Variants in ARNT2 observed in about 807,000 individuals in gnomAD.
The protein encoded by ARNT2 is aryl hydrocarbon receptor nuclear translocator 2, also known as ARNT protein 2.
ARNT2 carries 36 observed loss-of-function variants against 91.7 expected under a neutral mutation model. The observed-to-expected ratio is 0.39, with a 90% CI of 0.30 to 0.52. ARNT2 has a LOEUF of 0.52. Among genes scored for constraint, ARNT2 ranks in the 20% least tolerant of loss-of-function variants. The pLI, the probability that ARNT2 is intolerant of heterozygous loss-of-function variation, is 0.72. For synonymous variants in ARNT2, 365 were observed against 347.1 expected, an observed-to-expected ratio of 1.05 and a Z score of -0.57; for missense variants, 775 against 939.3, an observed-to-expected ratio of 0.83 and a Z score of 2.29.
intron 1 of ARNT2, among the ~76,000 whole-genome samples, chr15:80,419,057 C>T (rs1488552838): frequency 6.6e-6 from 1 of 152,130 alleles, no homozygotes; most frequent in African/African-American, 2.4e-5. Context: ...GGAAACAAAC[C>T]ATTTTCTAGA....
At chr15:80,437,405 G>C (rs1200648183) in intron 1 of ARNT2, among the ~76,000 whole-genome samples, 1 of 152,112 alleles carries the variant, frequency 6.6e-6, no homozygotes, top group African/African-American at 2.4e-5. Context: ...CATCTCCCCG[G>C]TTTTTACTCT....
chr15:80,445,859 G>A (rs917714264), intron 1 of ARNT2, among the ~76,000 whole-genome samples: 1 of 152,030 alleles, frequency 6.6e-6, no homozygotes, highest in Middle Eastern at 3.2e-3. Context: ...TACGAGTGGG[G>A]TGCTGAGGAG....
chr15:80,529,553 T>C (rs1050834218), intron 8 of ARNT2, among the ~76,000 whole-genome samples: 2 of 152,130 alleles, frequency 1.3e-5, no homozygotes, highest in Non-Finnish European at 2.9e-5. Context: ...GTTTTTTCCT[T>C]TTCCTTAGAG....
At chr15:80,563,643 G>C (rs1898414116) in intron 12 of ARNT2, among the ~76,000 whole-genome samples, 1 of 152,206 alleles carries the variant, frequency 6.6e-6, no homozygotes, top group Admixed American at 6.5e-5. Flanking sequence ...TGGAGGAAGG[G>C]AGGCTGAGCC....
chr15:80,488,049 G>A (rs1257934482), intron 5 of ARNT2, among the ~76,000 whole-genome samples: 1 of 152,188 alleles, frequency 6.6e-6, no homozygotes, highest in African/African-American at 2.4e-5. Context: ...TAGAGAACAA[G>A]CCGCTTCCCT....
intron 3 of ARNT2, among the ~76,000 whole-genome samples, chr15:80,460,381 G>A (rs758530831): frequency 2.6e-5 from 4 of 152,216 alleles, no homozygotes; most frequent in Non-Finnish European, 5.9e-5. Flanking sequence ...GCCCATCACA[G>A]CAGGCCTTAG....
At position 80,509,638 on chromosome 15, in the gene ARNT2, G is replaced by A. The variant is rs113594428; in HGVS notation, c.725+1380G>A. On this transcript the variant is annotated intron_variant, in intron 6 of 18. Transcript: ENST00000303329. ...GTGGGAGTAGGAAATAGCAGATTTC[G>A]TTAATTTCCATGTTATATAGGGTGG... is the stretch of plus-strand genomic sequence containing the variant. Among the ~76,000 whole-genome samples, 32 of 152,206 alleles carry A rather than the reference G, an allele frequency of 2.1e-4. 2 individuals carry two copies. The highest frequency in any genetic ancestry group is 6.3e-4 in the African/African-American group (26 of 41,514).
At position 80,514,340 on chromosome 15, in the gene ARNT2, A is replaced by C. The variant is rs747885644; in HGVS notation, c.812A>C (p.Lys271Thr). ...KRFRNGLGPV[K>T]EGEAQYAVVH... ...TTTAGGAATGGCCTTGGCCCTGTGAAAGAAGGAGAAGCCCAATATGCTGTG... is the reference window on the plus strand; with the variant it reads ...TTTAGGAATGGCCTTGGCCCTGTGACAGAAGGAGAAGCCCAATATGCTGTG... Residue 271 changes from lysine (K) to threonine (T), a missense_variant, in exon 8 of 19, where the codon AAA (lysine) becomes ACA (threonine). By Grantham distance (78) the Lys-to-Thr change is moderately conservative. Coordinates refer to ENST00000303329, the MANE Select transcript of ARNT2 (RefSeq NM_014862.4). 9.9e-6 allele frequency: 16 copies of C among 1,614,090 alleles called. No individual in the cohort carries two copies. Among genetic ancestry groups the C allele is most frequent in the African/African-American group, 1.3e-5 (1 of 74,950 alleles).
At chr15:80,467,290 A>T (rs1896669883) in intron 3 of ARNT2, among the ~76,000 whole-genome samples, 1 of 152,222 alleles carries the variant, frequency 6.6e-6, no homozygotes. Context: ...GTGGGAGAGA[A>T]CCAGGAAACA....
intron 11 of ARNT2, among the ~76,000 whole-genome samples, chr15:80,559,527 T>C (rs2141463674): frequency 6.6e-6 from 1 of 152,348 alleles, no homozygotes; most frequent in South Asian, 2.1e-4. Flanking sequence ...CTACGTCAGC[T>C]AAGAGCCAGC....
chr15:80,482,871 G>A (rs549907979), intron 5 of ARNT2, among the ~76,000 whole-genome samples: 4 of 152,274 alleles, frequency 2.6e-5, no homozygotes, highest in African/African-American at 7.2e-5. Context: ...TCAAGTCATC[G>A]TGATGCATGT....
At chr15:80,454,862 C>T (rs1351902969) in intron 2 of ARNT2, among the ~76,000 whole-genome samples, 1 of 152,174 alleles carries the variant, frequency 6.6e-6, no homozygotes, top group South Asian at 2.1e-4. Context: ...GGCTTTCTGT[C>T]GAGGCAGGCA....
chr15:80,462,609 A>G (rs1444865785), intron 3 of ARNT2, among the ~76,000 whole-genome samples: 1 of 152,154 alleles, frequency 6.6e-6, no homozygotes, highest in African/African-American at 2.4e-5. Flanking sequence ...GTTGCTGTGG[A>G]TTCAGCTCCA....
rs199694529 is a variant in ARNT2 at position 80,414,768 on chromosome 15, T to TC, written c.31+10222_31+10223insC. Among the ~76,000 whole-genome samples the TC allele has an allele frequency of 3.8e-3, 266 of 69,254 alleles. 2 individuals carry two copies. Among genetic ancestry groups the TC allele is most frequent in the African/African-American group, 0.023 (258 of 11,208 alleles). The allele number at this position is 69,254 out of a possible 152,430, so 45.4% of individuals were successfully genotyped here. On this transcript the variant is annotated intron_variant, in intron 1 of 18. Coordinates refer to ENST00000303329, the MANE Select transcript of ARNT2 (RefSeq NM_014862.4). Reference sequence around the variant, plus strand: ...GGATCACAGCTGTGTTCTCTCTCTCTTTTTTTTTTTTTTGAAAATATTTCA... The same window carrying TC: ...GGATCACAGCTGTGTTCTCTCTCTCTCTTTTTTTTTTTTTGAAAATATTTCA...
rs573957125 is a variant in ARNT2 at position 80,597,360 on chromosome 15, G to A, written c.*3662G>A. 254 of 508,382 alleles carry A rather than the reference G, an allele frequency of 5.0e-4. No homozygotes were observed. Among genetic ancestry groups the A allele is most frequent in the South Asian group, 1.3e-3 (93 of 70,606 alleles). 31.5% of individuals were successfully genotyped at this position (508,382 alleles called of 1,614,324 possible). A position where few individuals can be genotyped will look rare whatever the true frequency, so the allele number is the denominator to read the frequency against. ...AGGAATAACAAGTCAGAATAGAAGTGTCCTTTATATTACCAGAAAATATGG... is the reference window on the plus strand; with the variant it reads ...AGGAATAACAAGTCAGAATAGAAGTATCCTTTATATTACCAGAAAATATGG... On this transcript the variant is annotated 3_prime_UTR_variant, in exon 19 of 19. Coordinates refer to ENST00000303329, the MANE Select transcript of ARNT2 (RefSeq NM_014862.4).
intron 5 of ARNT2, among the ~76,000 whole-genome samples, chr15:80,499,535 A>C (rs140363441): frequency 6.6e-6 from 1 of 152,314 alleles, no homozygotes; most frequent in East Asian, 1.9e-4. Context: ...TCTTGGAGTC[A>C]GTTTTGTTCT....
intron 7 of ARNT2, 95 bp downstream of exon 7, chr15:80,514,071 G>A: frequency 7.9e-7 from 1 of 1,268,828 alleles, no homozygotes; most frequent in Non-Finnish European, 1.1e-6. Flanking sequence ...GGGGCTTAGT[G>A]TGGTGAGGAC....
chr15:80,505,789 T>G (rs921392850), intron 5 of ARNT2, among the ~76,000 whole-genome samples: 3 of 152,060 alleles, frequency 2.0e-5, no homozygotes, highest in African/African-American at 4.8e-5. Context: ...AAGGGCAGCT[T>G]TGGACAGGAA....
At position 80,404,951 on chromosome 15, in the gene ARNT2, C is replaced by T. The variant is rs1297278751; in HGVS notation, c.31+405C>T. ...TGGCTGGTGGAGGGCTCCGCGCTGACGGAGGGAAAAGTTTGGAGCTGGGAT... is the reference window on the plus strand; with the variant it reads ...TGGCTGGTGGAGGGCTCCGCGCTGATGGAGGGAAAAGTTTGGAGCTGGGAT... On this transcript the variant is annotated intron_variant, in intron 1 of 18. Transcript: ENST00000303329. The surrounding 1 kb of genome is among the most constrained non-coding windows in gnomAD (Gnocchi z 5.5). Among the ~76,000 whole-genome samples, 2 of 152,192 alleles carry T rather than the reference C, an allele frequency of 1.3e-5. No homozygotes were observed. Among genetic ancestry groups the T allele is most frequent in the African/African-American group, 4.8e-5 (2 of 41,452 alleles).
Sources: gnomAD v4.1 joint callset for allele counts (sites outside exome capture counted in the v4.1 genomes callset) on GRCh38, gnomAD v4.1.1 for gene constraint, Gnocchi (gnomAD v3.1) non-coding constraint, MANE v1.5 for transcripts, NCBI Gene and HGNC (gene_info 2026-07-23, HGNC 2026-07-21) for gene names.